The following ATXN1 variants were observed in gnomAD, a reference collection of about 807,000 sequenced individuals.
ATXN1 encodes the protein ataxin 1.
Under a neutral mutation model 56.4 loss-of-function variants are expected in ATXN1, and 8 were observed. The ratio of observed to expected loss-of-function variants is 0.14; its 90% CI spans 0.08 to 0.26. The LOEUF (loss-of-function observed/expected upper bound fraction) is 0.26. Among genes scored for constraint, ATXN1 ranks in the 10% least tolerant of loss-of-function variants. The pLI, the probability that ATXN1 is intolerant of heterozygous loss-of-function variation, is 1.00. For synonymous variants in ATXN1, 514 were observed against 494.6 expected, an observed-to-expected ratio of 1.04 and a Z score of -0.52; for missense variants, 987 against 1,106.5, an observed-to-expected ratio of 0.89 and a Z score of 1.53.
chr6:16,336,403 TG>T (rs1169104401), intron 6 of ATXN1, among the ~76,000 whole-genome samples: 1 of 152,160 alleles, frequency 6.6e-6, no homozygotes, highest in Non-Finnish European at 1.5e-5. Flanking sequence ...GAACTGCAGC[TG>T]GTGAGACGTT....
At chr6:16,638,887 T>G (rs729771) in intron 3 of ATXN1, among the ~76,000 whole-genome samples, 12,357 of 152,194 alleles carry the variant, frequency 0.081, 1,670 homozygotes, top group African/African-American at 0.28. Flanking sequence ...AATATCATAG[T>G]GCAGCTAGTC....
At chr6:16,365,421 A>G (rs1460375402) in intron 6 of ATXN1, among the ~76,000 whole-genome samples, 3 of 152,092 alleles carry the variant, frequency 2.0e-5, no homozygotes, top group Non-Finnish European at 4.4e-5. Context: ...CAGGTGATCC[A>G]CCCACATTGG....
At chr6:16,313,503 T>C (rs2113384810) in intron 7 of ATXN1, among the ~76,000 whole-genome samples, 1 of 151,718 alleles carries the variant, frequency 6.6e-6, no homozygotes, top group Non-Finnish European at 1.5e-5. Flanking sequence ...GAGAGAAAAG[T>C]GATGGAGAGA....
intron 4 of ATXN1, among the ~76,000 whole-genome samples, chr6:16,566,467 C>G (rs1471701915): frequency 6.6e-6 from 1 of 152,094 alleles, no homozygotes; most frequent in African/African-American, 2.4e-5. Flanking sequence ...TCTCAAACTC[C>G]TGGGCTCAAG....
In ATXN1 at chr6:16,760,374, C is replaced by A. The variant is rs1185746392; in HGVS notation, c.-730+924G>T. The stretch of plus-strand genomic sequence containing the variant: ...CTCCTGCCGCGGGTGCTGGCGGGGG[C>A]GCCGGCCCGGACTGGGGCGCTCGCG... On this transcript the variant is annotated intron_variant, in intron 1 of 7. Transcript: ENST00000436367. This position sits in a 1 kb window ranked among gnomAD's most constrained non-coding sequence, Gnocchi z 5.3. Among the ~76,000 whole-genome samples the A allele has an allele frequency of 2.6e-5, 4 of 151,710 alleles. No homozygotes were observed. The highest frequency in any genetic ancestry group is 6.6e-5 in the Admixed American group (1 of 15,234).
At chr6:16,689,196 T>G (rs1758985574) in intron 2 of ATXN1, among the ~76,000 whole-genome samples, 1 of 152,186 alleles carries the variant, frequency 6.6e-6, no homozygotes, top group African/African-American at 2.4e-5. Context: ...ACTGCAATAC[T>G]TGAGTCTGCA....
chr6:16,657,597 A>G (rs1005222947), intron 3 of ATXN1, among the ~76,000 whole-genome samples, 179 bp downstream of exon 3: 1 of 152,226 alleles, frequency 6.6e-6, no homozygotes, highest in African/African-American at 2.4e-5. Context: ...ACAAACACAT[A>G]AAGTAAATGC....
At chr6:16,728,295 T>C (rs1759892599) in intron 2 of ATXN1, among the ~76,000 whole-genome samples, 1 of 152,178 alleles carries the variant, frequency 6.6e-6, no homozygotes, top group South Asian at 2.1e-4. Flanking sequence ...GGAAGTTGGT[T>C]TGGGCTGAAG....
chr6:16,703,192 G>C (rs1759325847), intron 2 of ATXN1, among the ~76,000 whole-genome samples: 1 of 152,040 alleles, frequency 6.6e-6, no homozygotes, highest in South Asian at 2.1e-4. Context: ...GGACATGGAT[G>C]AAGCTGGAAA....
chr6:16,753,097 C>T (rs1468141743), intron 2 of ATXN1, 136 bp downstream of exon 2: 3 of 368,042 alleles, frequency 8.2e-6, no homozygotes, highest in African/African-American at 2.1e-5. Context: ...CAACTTCCCA[C>T]ACTATGCCCA....
In ATXN1 at chr6:16,302,372, A is replaced by G. The variant is rs1451756819; in HGVS notation, c.*3957T>C. ...ACAATTCCAAGTTAGAAATGGGATCAACAACAACAGAAATCAAATCATCCC... is the reference window on the plus strand; with the variant it reads ...ACAATTCCAAGTTAGAAATGGGATCGACAACAACAGAAATCAAATCATCCC... On this transcript the variant is annotated 3_prime_UTR_variant, in exon 8 of 8. Transcript: ENST00000436367. 2.6e-5 allele frequency: 4 copies of G among 152,548 alleles called. No homozygotes were observed. The South Asian group carries it at 6.2e-4, about 24-fold the overall frequency. The allele number at this position is 152,548 out of a possible 1,614,324, so 9.4% of individuals were successfully genotyped here.
At chr6:16,684,967 G>C (rs187595306) in intron 2 of ATXN1, among the ~76,000 whole-genome samples, 289 of 151,500 alleles carry the variant, frequency 1.9e-3, no homozygotes, top group Non-Finnish European at 3.5e-3. Context: ...ATTTTCTTTA[G>C]GACAACGAAA....
Position 16,317,029 on chromosome 6 carries a change from C to T in ATXN1, c.1917+9365G>A, listed in dbSNP as rs768823968. ...ACCTCACCTTGTCAGATGCTGAGGT[C>T]GTCATGATTTTATTGAATCACACTT... On this transcript the variant is annotated intron_variant, in intron 7 of 7. Transcript: ENST00000436367. Among the ~76,000 whole-genome samples the T allele has an allele frequency of 4.7e-4, 72 of 152,032 alleles. 1 individual carries two copies. Among genetic ancestry groups the T allele is most frequent in the Non-Finnish European group, 9.7e-4 (66 of 68,000 alleles).
At chr6:16,652,659 A>C (rs780273168) in intron 3 of ATXN1, among the ~76,000 whole-genome samples, 10 of 152,288 alleles carry the variant, frequency 6.6e-5, no homozygotes, top group Non-Finnish European at 1.2e-4. Context: ...TGTAGCTGAC[A>C]ACCTGGCTCT....
intron 3 of ATXN1, among the ~76,000 whole-genome samples, chr6:16,596,261 T>G (rs1354361232): frequency 6.6e-6 from 1 of 152,206 alleles, no homozygotes; most frequent in Admixed American, 6.5e-5. Flanking sequence ...CCTCCCAAAG[T>G]GCTGGATAAC....
rs1472522287 is a variant in ATXN1, at chr6:16,760,650, G to A, written c.-730+648C>T. 2.0e-5 allele frequency among the ~76,000 whole-genome samples: 3 copies of A among 150,946 alleles called. No homozygotes were observed. The highest frequency in any genetic ancestry group is 6.6e-5 in the Admixed American group (1 of 15,210). ...TTCCCCGCCCGCAGCCGCACACCCG[G>A]CGAGGCCGGCCCTCCGAGGGGAGAC... On this transcript the variant is annotated intron_variant, in intron 1 of 7. Coordinates refer to ENST00000436367, the MANE Select transcript of ATXN1 (RefSeq NM_001128164.2). The surrounding 1 kb of genome is among the most constrained non-coding windows in gnomAD (Gnocchi z 5.3).
chr6:16,648,266 A>G (rs770819453), intron 3 of ATXN1, among the ~76,000 whole-genome samples: 2 of 152,142 alleles, frequency 1.3e-5, no homozygotes, highest in African/African-American at 2.4e-5. Flanking sequence ...TACAGCCACA[A>G]TATCACCACA....
At chr6:16,500,954 G>A (rs1222242904) in intron 5 of ATXN1, among the ~76,000 whole-genome samples, 1 of 152,174 alleles carries the variant, frequency 6.6e-6, no homozygotes, top group Non-Finnish European at 1.5e-5. Context: ...AATGCATGGG[G>A]CACATTAACT....
At chr6:16,556,239 T>A (rs1762011670) in intron 4 of ATXN1, among the ~76,000 whole-genome samples, 1 of 152,204 alleles carries the variant, frequency 6.6e-6, no homozygotes. Context: ...CCTAGTAATA[T>A]TTGGTTTATC....
Sources: gnomAD v4.1 joint callset for allele counts (sites outside exome capture counted in the v4.1 genomes callset) on GRCh38, gnomAD v4.1.1 for gene constraint, Gnocchi (gnomAD v3.1) non-coding constraint, MANE v1.5 for transcripts, NCBI Gene and HGNC (gene_info 2026-07-23, HGNC 2026-07-21) for gene names.